The following KIAA1671 variants were observed in gnomAD, a reference collection of about 807,000 sequenced individuals.
KIAA1671 encodes the protein uncharacterized protein KIAA1671.
KIAA1671 carries 52 observed loss-of-function variants against 131.2 expected under a neutral mutation model. The observed-to-expected ratio is 0.40, with a 90% confidence interval of 0.32 to 0.50. KIAA1671 has a LOEUF of 0.50. KIAA1671 is among the 20% of genes least tolerant of loss of function. The pLI, the probability that KIAA1671 is intolerant of heterozygous loss-of-function variation, is 0.73. For missense variants in KIAA1671, 2,360 were observed against 2,364.2 expected (o/e 1.00, Z 0.04); for synonymous variants, 1,003 against 961.6 (o/e 1.04, Z -0.80).
intron 1 of KIAA1671, among the ~76,000 whole-genome samples, chr22:24,982,109 A>C (rs1365702372): frequency 6.6e-6 from 1 of 152,168 alleles, no homozygotes; most frequent in African/African-American, 2.4e-5. Flanking sequence ...TGATGTTTCC[A>C]CATCTTTTTA....
At chr22:25,033,068 C>T (rs1926380324) in intron 4 of KIAA1671, among the ~76,000 whole-genome samples, 1 of 152,100 alleles carries the variant, frequency 6.6e-6, no homozygotes, top group African/African-American at 2.4e-5. Flanking sequence ...CTTCCCCTTA[C>T]TTACCACCTA....
At chr22:25,166,004 C>T (rs756677239) in intron 6 of KIAA1671, among the ~76,000 whole-genome samples, 11 of 152,270 alleles carry the variant, frequency 7.2e-5, no homozygotes, top group South Asian at 2.1e-4. Flanking sequence ...AGCCCTTACC[C>T]GGAGGGACGT....
chr22:25,126,822 C>T (rs1403504157), intron 6 of KIAA1671, among the ~76,000 whole-genome samples: 1 of 152,204 alleles, frequency 6.6e-6, no homozygotes. Context: ...GAGCCACAGA[C>T]AATTACTGAG....
At chr22:25,189,608 A>G (rs1050991099) in intron 11 of KIAA1671, among the ~76,000 whole-genome samples, 5 of 152,232 alleles carry the variant, frequency 3.3e-5, no homozygotes, top group African/African-American at 1.2e-4. Flanking sequence ...TTGCATAAAC[A>G]TCTAGAATAG....
At chr22:25,108,200 TATGATC>T (rs1405744026) in intron 6 of KIAA1671, among the ~76,000 whole-genome samples, 4 of 152,170 alleles carry the variant, frequency 2.6e-5, no homozygotes, top group Non-Finnish European at 4.4e-5. Flanking sequence ...CAACACTGGG[TATGATC>T]ATTTTAAAGG....
At chr22:25,001,361 CAG>C (rs1487848923) in intron 1 of KIAA1671, among the ~76,000 whole-genome samples, 1 of 152,100 alleles carries the variant, frequency 6.6e-6, no homozygotes, top group Non-Finnish European at 1.5e-5. Flanking sequence ...TTCTAATGAA[CAG>C]AAATTTTCTT....
intron 5 of KIAA1671, among the ~76,000 whole-genome samples, chr22:25,043,259 T>C (rs1927047984): frequency 6.6e-6 from 1 of 152,168 alleles, no homozygotes; most frequent in African/African-American, 2.4e-5. Flanking sequence ...TACCCAAATA[T>C]CTATCAGTGA....
chr22:25,052,818 G>T (rs1157057971), intron 6 of KIAA1671: 1 of 152,190 alleles, frequency 6.6e-6, no homozygotes, highest in Non-Finnish European at 1.5e-5. Flanking sequence ...CCGGGTTCAA[G>T]TGATTCTCGT....
intron 6 of KIAA1671, among the ~76,000 whole-genome samples, chr22:25,152,030 G>A (rs1248384469): frequency 1.3e-5 from 2 of 152,138 alleles, no homozygotes; most frequent in African/African-American, 2.4e-5. Context: ...GCTAGTGTCC[G>A]TTCATTTTCC....
intron 1 of KIAA1671, among the ~76,000 whole-genome samples, chr22:24,963,153 C>T (rs2123800756): frequency 6.6e-6 from 1 of 152,080 alleles, no homozygotes; most frequent in African/African-American, 2.4e-5. Flanking sequence ...CACCTGAGGT[C>T]AGGAGTTCGA....
chr22:24,957,211 G>C (rs1921760615), intron 1 of KIAA1671, among the ~76,000 whole-genome samples: 1 of 152,128 alleles, frequency 6.6e-6, no homozygotes, highest in Non-Finnish European at 1.5e-5. Context: ...GGGAGAGAGG[G>C]AGTGACCCAC....
chr22:25,068,529 C>T (rs184205920), intron 6 of KIAA1671, among the ~76,000 whole-genome samples: 40 of 152,276 alleles, frequency 2.6e-4, no homozygotes, highest in East Asian at 1.7e-3. Flanking sequence ...CTCCGCCTAC[C>T]GGGTTCACGC....
chr22:25,151,206 C>T (rs1428963331), intron 6 of KIAA1671, among the ~76,000 whole-genome samples: 3 of 151,654 alleles, frequency 2.0e-5, no homozygotes, highest in Non-Finnish European at 4.4e-5. Flanking sequence ...TAGAGAGAAA[C>T]AAGAACAAGG....
At chr22:25,178,940 G>A (rs1324717560) in intron 9 of KIAA1671, among the ~76,000 whole-genome samples, 1 of 152,196 alleles carries the variant, frequency 6.6e-6, no homozygotes, top group African/African-American at 2.4e-5. Context: ...CGGCTCAGAG[G>A]ACCTGCCCTG....
chr22:25,096,137 C>T lies in KIAA1671; in HGVS notation c.4530+46773C>T, dbSNP rs182404385. Among the ~76,000 whole-genome samples the T allele has an allele frequency of 5.3e-5, 8 of 152,316 alleles. No homozygotes were observed. The East Asian group carries it at 1.5e-3, about 29-fold the overall frequency. ...TCCTGAGGAATTCTGTTGTGTGTCCCCGGCCTTGTCAGATGAGGAGAGACC... is the reference window on the plus strand; with the variant it reads ...TCCTGAGGAATTCTGTTGTGTGTCCTCGGCCTTGTCAGATGAGGAGAGACC... On this transcript the variant is annotated intron_variant, in intron 6 of 12. Transcript: ENST00000358431.
chr22:25,019,801 G>A (rs1925563895), intron 1 of KIAA1671, among the ~76,000 whole-genome samples: 1 of 152,016 alleles, frequency 6.6e-6, no homozygotes, highest in Non-Finnish European at 1.5e-5. Context: ...CCCTATTATA[G>A]TTAAGGCAAC....
At chr22:25,105,817 G>T (rs1930969669) in intron 6 of KIAA1671, among the ~76,000 whole-genome samples, 1 of 48,606 alleles carries the variant, frequency 2.1e-5, no homozygotes. Context: ...CAGGTATGAA[G>T]TTGGGGGGGG....
intron 7 of KIAA1671, 55 bp from the exon 8 acceptor site, chr22:25,174,185 C>T (rs773615282): frequency 2.5e-5 from 39 of 1,531,488 alleles, no homozygotes; most frequent in African/African-American, 4.1e-5. Context: ...CTTGAAATCC[C>T]GTTCTCTGAA....
At chr22:25,121,328 G>A (rs1315232510) in intron 6 of KIAA1671, among the ~76,000 whole-genome samples, 1 of 152,098 alleles carries the variant, frequency 6.6e-6, no homozygotes, top group East Asian at 1.9e-4. Context: ...TGGGCAAGGT[G>A]GTGGGCGCCT....
Sources: gnomAD v4.1 joint callset for allele counts (sites outside exome capture counted in the v4.1 genomes callset) on GRCh38, gnomAD v4.1.1 for gene constraint, MANE v1.5 for transcripts, NCBI Gene and HGNC (gene_info 2026-07-23, HGNC 2026-07-21) for gene names.